RAB33A: variants seen among roughly 807,000 people sequenced by gnomAD.
The protein encoded by RAB33A is ras-related protein Rab-33A.
In RAB33A, 6 loss-of-function variants were observed where a neutral mutation model predicts 12.0. The observed-to-expected ratio is 0.50, with a 90% confidence interval of 0.27 to 0.99. The LOEUF (loss-of-function observed/expected upper bound fraction) is 0.99. RAB33A is among the 50% of genes least tolerant of loss of function. RAB33A has a pLI of 0.11. For synonymous variants in RAB33A, 70 were observed against 82.4 expected (o/e 0.85, Z 0.81); for missense variants, 109 against 192.0 (o/e 0.57, Z 2.55).
At chrX:130,118,351 C>T in the RAB33A span, among the ~76,000 whole-genome samples, 1 of 112,517 alleles carries the variant, frequency 8.9e-6, no homozygotes, top group Non-Finnish European at 1.9e-5. Context: ...TCTGCATCCT[C>T]CCAAGGGGCA....
At chrX:130,149,635 T>C in the RAB33A span, 1 of 787,224 alleles carries the variant, frequency 1.3e-6, no homozygotes, top group Non-Finnish European at 1.9e-6. Context: ...AGTAATATTA[T>C]CTTTCAATTA....
chrX:130,123,328 C>G, the RAB33A span, among the ~76,000 whole-genome samples: 2 of 111,933 alleles, frequency 1.8e-5, no homozygotes, highest in African/African-American at 6.5e-5. Flanking sequence ...TTTCACTGTG[C>G]TCCTCTGCTT....
At chrX:130,147,359 G>T in the RAB33A span, 1 of 789,879 alleles carries the variant, frequency 1.3e-6, no homozygotes, top group Non-Finnish European at 1.9e-6. Context: ...GCTGTACCAA[G>T]TGTGGACCAC....
At chrX:130,110,990 G>A in the RAB33A span, among the ~76,000 whole-genome samples, 11 of 88,638 alleles carry the variant, frequency 1.2e-4, no homozygotes, top group Non-Finnish European at 6.8e-5. Flanking sequence ...CCGACGGGAG[G>A]GACTGCGGGC....
chrX:130,178,947 C>T lies in RAB33A; in HGVS notation c.259-5338C>T, dbSNP rs1020107489. 5.7e-5 allele frequency among the ~76,000 whole-genome samples: 6 copies of T among 105,549 alleles called. No homozygotes were observed. The East Asian group carries it at 8.8e-4, about 16-fold the overall frequency. 91.7% of individuals were successfully genotyped at this position (105,549 alleles called of 115,157 possible). On this transcript the variant is annotated intron_variant, in intron 1 of 1. Transcript: ENST00000257017. ...GATTACAGGCGTGAGCCACCGCGCCCGGCGATTTTTTTTTTTTTTTTAATG... is the reference window on the plus strand; with the variant it reads ...GATTACAGGCGTGAGCCACCGCGCCTGGCGATTTTTTTTTTTTTTTTAATG...
chrX:130,182,754 CA>C (rs201394208), intron 1 of RAB33A, among the ~76,000 whole-genome samples: 3 of 103,700 alleles, frequency 2.9e-5, no homozygotes, highest in South Asian at 4.2e-4. Flanking sequence ...AATTCTGTCT[CA>C]AAAAAAAAAT....
At chrX:130,154,235 C>T in the RAB33A span, among the ~76,000 whole-genome samples, 1 of 111,853 alleles carries the variant, frequency 8.9e-6, no homozygotes, top group Non-Finnish European at 1.9e-5. Context: ...TTAGATATTT[C>T]TAAGGCAGGA....
At chrX:130,156,064 A>T in the RAB33A span, among the ~76,000 whole-genome samples, 31 of 111,713 alleles carry the variant, frequency 2.8e-4, no homozygotes, top group African/African-American at 1.0e-3. Flanking sequence ...CCTCAAGCTG[A>T]GGAAATAAAA....
the RAB33A span, among the ~76,000 whole-genome samples, chrX:130,114,048 A>G: frequency 1.8e-5 from 2 of 112,206 alleles, no homozygotes; most frequent in Admixed American, 9.4e-5. Flanking sequence ...AAAGTATGAC[A>G]GGGCCAGGGC....
the RAB33A span, chrX:130,130,315 A>C: frequency 1.6e-6 from 1 of 643,055 alleles, no homozygotes; most frequent in African/African-American, 2.2e-5. Context: ...CCCTCAGTAA[A>C]CCCTGGCCTT....
upstream of RAB33A, chrX:130,171,732 C>G (rs2031608330): frequency 3.7e-6 from 1 of 268,510 alleles, no homozygotes; most frequent in South Asian, 8.1e-5. Context: ...GGTCCTTCGC[C>G]AGAGCATCCG....
chrX:130,140,685 T>G, the RAB33A span: 1 of 809,208 alleles, frequency 1.2e-6, no homozygotes, highest in Non-Finnish European at 1.9e-6. Context: ...TTTATTGAGA[T>G]ATAATTCACA....
the RAB33A span, among the ~76,000 whole-genome samples, chrX:130,144,818 G>A: frequency 6.2e-5 from 7 of 112,445 alleles, no homozygotes; most frequent in Admixed American, 2.8e-4. Flanking sequence ...TCTCATTACC[G>A]GCTTATCAAC....
At chrX:130,135,678 A>G in the RAB33A span, among the ~76,000 whole-genome samples, 1 of 111,752 alleles carries the variant, frequency 8.9e-6, no homozygotes, top group African/African-American at 3.3e-5. Flanking sequence ...GGAACAGGTT[A>G]TAACATTGCT....
At chrX:130,135,396 CTTTTAT>C in the RAB33A span, among the ~76,000 whole-genome samples, 461 of 94,713 alleles carry the variant, frequency 4.9e-3, 4 homozygotes, top group African/African-American at 0.018. Flanking sequence ...CCACGTATTA[CTTTTAT>C]AACAGGTTAA....
chrX:130,136,632 T>G, the RAB33A span: 12 of 1,203,924 alleles, frequency 1.0e-5, no homozygotes, highest in Non-Finnish European at 1.3e-5. Flanking sequence ...GACTATCTTT[T>G]CCTTCCTTAC....
At chrX:130,113,715 C>T in the RAB33A span, among the ~76,000 whole-genome samples, 20 of 111,889 alleles carry the variant, frequency 1.8e-4, no homozygotes, top group Non-Finnish European at 3.0e-4. Flanking sequence ...TGAGCCACCG[C>T]GCCTGGCCCT....
the RAB33A span, among the ~76,000 whole-genome samples, chrX:130,132,891 C>T: frequency 9.1e-6 from 1 of 110,489 alleles, no homozygotes; most frequent in Non-Finnish European, 1.9e-5. Flanking sequence ...GGATTACAGG[C>T]ATGCACCACC....
At chrX:130,142,565 C>T in the RAB33A span, among the ~76,000 whole-genome samples, 290 of 111,806 alleles carry the variant, frequency 2.6e-3, no homozygotes, top group African/African-American at 8.9e-3. Flanking sequence ...CGCTTTTATC[C>T]GATTGCCATC....
Sources: allele counts gnomAD v4.1 joint callset (sites outside exome capture counted in the v4.1 genomes callset), GRCh38; gene constraint gnomAD v4.1.1; transcripts MANE v1.5; gene names NCBI Gene and HGNC (gene_info 2026-07-23, HGNC 2026-07-21).